Variants in SLC5A1 observed in about 807,000 individuals in gnomAD.
The protein encoded by SLC5A1 is sodium/glucose cotransporter 1.
In SLC5A1, 42 loss-of-function variants were observed where a neutral mutation model predicts 73.5. The ratio of observed to expected loss-of-function variants is 0.57; its 90% CI spans 0.45 to 0.74. SLC5A1 has a LOEUF of 0.74. Among genes scored for constraint, SLC5A1 ranks in the 30% least tolerant of loss-of-function variants. SLC5A1 has a pLI of 0.00. For missense variants in SLC5A1, 634 were observed against 855.4 expected (o/e 0.74, Z 3.23); for synonymous variants, 300 against 317.4 (o/e 0.95, Z 0.58).
intron 11 of SLC5A1, among the ~76,000 whole-genome samples, chr22:32,094,487 G>T (rs2094023159): frequency 6.6e-6 from 1 of 152,198 alleles, no homozygotes; most frequent in East Asian, 1.9e-4. Context: ...TTTTTGGTTG[G>T]TAATTTTTAA....
chr22:32,108,305 G>T (rs1005096695), intron 14 of SLC5A1, among the ~76,000 whole-genome samples: 3 of 152,068 alleles, frequency 2.0e-5, no homozygotes, highest in African/African-American at 7.2e-5. Context: ...GCTTCACCAT[G>T]TTAGCCAGGA....
chr22:32,067,950 T>G lies in SLC5A1; in HGVS notation c.313-17T>G. The G allele has an allele frequency of 6.2e-7, 1 of 1,614,012 alleles. No homozygotes were observed. The highest frequency in any genetic ancestry group is 1.1e-5 in the South Asian group (1 of 91,074). ...AGTTTCCTCCTAATTTGAGTCCACC[T>G]TTTGTGTTCATTTCAGGCCCTGGTT... On this transcript the variant is annotated splice_polypyrimidine_tract_variant and intron_variant, in intron 3 of 14. Transcript: ENST00000266088.
intron 14 of SLC5A1, among the ~76,000 whole-genome samples, chr22:32,105,443 A>G (rs1483717155): frequency 2.0e-5 from 3 of 151,820 alleles, no homozygotes; most frequent in Non-Finnish European, 4.4e-5. Flanking sequence ...ACAGGCATGC[A>G]CCACCACGCC....
chr22:32,094,328 T>C (rs1468565251), intron 11 of SLC5A1, among the ~76,000 whole-genome samples: 2 of 152,154 alleles, frequency 1.3e-5, no homozygotes, highest in Non-Finnish European at 2.9e-5. Context: ...TTTCCTGGTT[T>C]TGGTATTAGG....
chr22:32,109,743 ATAAAACT>A (rs1164674068), intron 14 of SLC5A1, among the ~76,000 whole-genome samples: 1 of 152,198 alleles, frequency 6.6e-6, no homozygotes, highest in Non-Finnish European at 1.5e-5. Context: ...CCTGATAGAG[ATAAAACT>A]TAGACTAGCT....
At chr22:32,069,813 C>T (rs1299057634) in intron 5 of SLC5A1, among the ~76,000 whole-genome samples, 1 of 152,146 alleles carries the variant, frequency 6.6e-6, no homozygotes, top group African/African-American at 2.4e-5. Flanking sequence ...CAGCCAGTGC[C>T]AACTCTGGAA....
At chr22:32,097,459 T>G (rs1231738959) in intron 11 of SLC5A1, among the ~76,000 whole-genome samples, 2 of 152,238 alleles carry the variant, frequency 1.3e-5, no homozygotes, top group South Asian at 4.1e-4. Context: ...CAGTCATCTT[T>G]CTAATTCAAT....
At chr22:32,105,608 T>C (rs1299478726) in intron 14 of SLC5A1, among the ~76,000 whole-genome samples, 1 of 152,208 alleles carries the variant, frequency 6.6e-6, no homozygotes, top group East Asian at 1.9e-4. Context: ...CACTCTTAAT[T>C]TTAAAATGTA....
intron 11 of SLC5A1, among the ~76,000 whole-genome samples, chr22:32,097,792 C>T (rs2094028729): frequency 6.6e-6 from 1 of 152,070 alleles, no homozygotes; most frequent in East Asian, 1.9e-4. Flanking sequence ...CTTTTTTTAT[C>T]GGAATTTAAA....
intron 5 of SLC5A1, among the ~76,000 whole-genome samples, chr22:32,080,465 A>T (rs1234913097): frequency 6.6e-6 from 1 of 152,038 alleles, no homozygotes; most frequent in African/African-American, 2.4e-5. Flanking sequence ...AAACTTAAAC[A>T]CTGGAGGGCC....
At chr22:32,106,316 G>A (rs1569318624) in intron 14 of SLC5A1, among the ~76,000 whole-genome samples, 1 of 152,190 alleles carries the variant, frequency 6.6e-6, no homozygotes, top group Non-Finnish European at 1.5e-5. Context: ...TATGATTGAT[G>A]ATGTTGAGCA....
intron 5 of SLC5A1, among the ~76,000 whole-genome samples, chr22:32,081,224 G>A (rs1254910442): frequency 6.6e-6 from 1 of 152,148 alleles, no homozygotes; most frequent in Non-Finnish European, 1.5e-5. Context: ...GAATTCAGGA[G>A]TGAGGAGGGA....
At chr22:32,091,511 T>C in intron 10 of SLC5A1, 101 bp from the exon 11 acceptor site, 1 of 1,337,892 alleles carries the variant, frequency 7.5e-7, no homozygotes, top group South Asian at 1.2e-5. Flanking sequence ...TAACATGGCA[T>C]GGTTTCAGAA....
intron 5 of SLC5A1, among the ~76,000 whole-genome samples, chr22:32,075,137 C>T (rs1351352172): frequency 2.7e-5 from 4 of 148,410 alleles, no homozygotes; most frequent in Non-Finnish European, 5.9e-5. Flanking sequence ...GTCTTGAACT[C>T]CTCGCCTCAA....
At chr22:32,105,212 G>A (rs117827593) in intron 14 of SLC5A1, among the ~76,000 whole-genome samples, 6,820 of 152,100 alleles carry the variant, frequency 0.045, 207 homozygotes, top group Non-Finnish European at 0.07. Context: ...CTGCAAGCAA[G>A]CACATCATGG....
chr22:32,043,355 A>G lies in SLC5A1; in HGVS notation c.74A>G (p.Asn25Ser), dbSNP rs200367894. The G allele has an allele frequency of 3.7e-6, 6 of 1,614,066 alleles. No individual in the cohort carries two copies. Among genetic ancestry groups the G allele is most frequent in the Non-Finnish European group, 5.1e-6 (6 of 1,179,998 alleles). ...GTTGAGACCCACGAGCTCATTCGCA[A>G]TGCAGCCGATATCTCCATCATCGTT... is the stretch of plus-strand genomic sequence containing the variant. ...RPVETHELIR[N>S]AADISIIVIY... is the part of the protein sequence containing the mutation. The change falls in exon 1 of 15, where the codon AAT becomes AGT. Residue 25 changes from asparagine to serine, a missense_variant. Coordinates refer to ENST00000266088, the MANE Select transcript of SLC5A1 (RefSeq NM_000343.4). This position sits in a 1 kb window ranked among gnomAD's most constrained non-coding sequence, Gnocchi z 6.5.
At chr22:32,068,437 T>A (rs2093977663) in intron 4 of SLC5A1, 59 bp from the exon 5 acceptor site, 2 of 1,018,322 alleles carry the variant, frequency 2.0e-6, no homozygotes, top group Admixed American at 3.4e-5. Context: ...CACTGTTCTG[T>A]CTGCTCTGGG....
At position 32,050,007 on chromosome 22, in the gene SLC5A1, G is replaced by T; in HGVS notation, c.200G>T (p.Trp67Leu). Residue 67 changes from tryptophan (W) to leucine (L), a missense_variant, in exon 2 of 15, where the codon TGG becomes TTG. Trp to Leu is a moderately conservative substitution (Grantham distance 61). This residue lies in a region of SLC5A1 where 422 missense variants were observed against 626.1 expected (regional missense o/e 0.67). Transcript: ENST00000266088. ...GFFLAGRSMVWWPIGASLFAS... is the reference protein window; with the variant it reads ...GFFLAGRSMVLWPIGASLFAS... ...TTCCTGGCAGGCCGAAGTATGGTGT[G>T]GTGGCCGGTAAGTTTTCTCTGAAAT... 6.2e-7 allele frequency: 1 copy of T among 1,613,756 alleles called. No individual in the cohort carries two copies. The highest frequency in any genetic ancestry group is 8.5e-7 in the Non-Finnish European group (1 of 1,179,648).
At chr22:32,088,231 C>G (rs2094011296) in intron 10 of SLC5A1, among the ~76,000 whole-genome samples, 1 of 151,976 alleles carries the variant, frequency 6.6e-6, no homozygotes, top group South Asian at 2.1e-4. Context: ...GTGGACTGTG[C>G]ACAACAGAAA....
Sources: allele counts gnomAD v4.1 joint callset (sites outside exome capture counted in the v4.1 genomes callset), GRCh38; gene constraint gnomAD v4.1.1; regional missense constraint gnomAD v4.1.1; non-coding constraint Gnocchi (gnomAD v3.1); transcripts MANE v1.5; gene names NCBI Gene and HGNC (gene_info 2026-07-23, HGNC 2026-07-21).